ARSG: variants seen among roughly 807,000 people sequenced by gnomAD.
ARSG encodes ASG.
Under a neutral mutation model 50.5 loss-of-function variants are expected in ARSG, and 37 were observed. The ratio of observed to expected loss-of-function variants is 0.73; its 90% confidence interval spans 0.56 to 0.96. The LOEUF is 0.96. Among genes scored for constraint, ARSG ranks in the 50% least tolerant of loss-of-function variants. The probability of loss-of-function intolerance (pLI) is 0.00; values close to 1 mark genes in which losing one functional copy is unlikely to be tolerated. For missense variants in ARSG, 629 were observed against 675.3 expected, an observed-to-expected ratio of 0.93 and a Z score of 0.76; for synonymous variants, 225 against 254.6, an observed-to-expected ratio of 0.88 and a Z score of 1.11.
chr17:68,314,189 ACAATGATAGCACCTCTACCT>A (rs1555767738), intron 2 of ARSG, among the ~76,000 whole-genome samples: 3 of 152,036 alleles, frequency 2.0e-5, no homozygotes, highest in South Asian at 2.1e-4. Flanking sequence ...GTAAGTGGGG[ACAATGATAGCACCTCTACCT>A]CACAGGATGT....
the ARSG span, among the ~76,000 whole-genome samples, chr17:68,433,760 GTTTTTTTTTTTTTTTTTTTT>G: frequency 8.2e-5 from 6 of 72,814 alleles, no homozygotes; most frequent in Admixed American, 1.8e-4. Flanking sequence ...AAGGGTCATA[GTTTTTTTTTTTTTTTTTTTT>G]TTTTTTTTTT....
Position 68,420,743 on chromosome 17 carries a change from A to T in ARSG, c.*280A>T. 1 of 458,410 alleles carries T rather than the reference A, an allele frequency of 2.2e-6. No individual in the cohort carries two copies. Among genetic ancestry groups the T allele is most frequent in the Non-Finnish European group, 3.9e-6 (1 of 257,384 alleles). The allele number at this position is 458,410 out of a possible 1,614,324, so 28.4% of individuals were successfully genotyped here. A position where few individuals can be genotyped will look rare whatever the true frequency, so the allele number is the denominator to read the frequency against. ...CAGCTCCAGCTTTTGAACTTGGGCA[A>T]TTGTTTAACCTAACCTGCAAGTTGA... On this transcript the variant is annotated 3_prime_UTR_variant, in exon 12 of 12. Coordinates refer to ENST00000621439, the MANE Select transcript of ARSG (RefSeq NM_001267727.2).
At chr17:68,389,060 G>A (rs9904457) in intron 9 of ARSG, among the ~76,000 whole-genome samples, 2 of 152,052 alleles carry the variant, frequency 1.3e-5, no homozygotes, top group African/African-American at 4.8e-5. Context: ...TGGCCTGTCC[G>A]AAGGCACCGG....
At chr17:68,312,789 G>A (rs117977010) in intron 2 of ARSG, among the ~76,000 whole-genome samples, 3,225 of 152,196 alleles carry the variant, frequency 0.021, 40 homozygotes, top group Middle Eastern at 0.048. Flanking sequence ...GCCTACTCAC[G>A]GCCAGTGGGG....
chr17:68,270,407 A>G (rs1410666943), intron 1 of ARSG, among the ~76,000 whole-genome samples: 1 of 152,124 alleles, frequency 6.6e-6, no homozygotes, highest in Non-Finnish European at 1.5e-5. Context: ...TACAAAAATT[A>G]GCCAGGCGTG....
rs894461738 is a variant in ARSG at position 68,367,274 on chromosome 17, C to T, written c.705-1274C>T. Among the ~76,000 whole-genome samples the T allele has an allele frequency of 6.6e-5, 10 of 152,160 alleles. No individual in the cohort carries two copies. Among genetic ancestry groups the T allele is most frequent in the Non-Finnish European group, 1.2e-4 (8 of 68,014 alleles). On this transcript the variant is annotated intron_variant, in intron 6 of 11. Coordinates refer to ENST00000621439, the MANE Select transcript of ARSG (RefSeq NM_001267727.2). The surrounding 1 kb of genome is among the most constrained non-coding windows in gnomAD (Gnocchi z 4.5). ...AACTGAGTGCAAGCACAGTCCCAGGCGGCAGACCCTGGGAGCCAGGGTGCA... is the reference window on the plus strand; with the variant it reads ...AACTGAGTGCAAGCACAGTCCCAGGTGGCAGACCCTGGGAGCCAGGGTGCA...
the ARSG span, among the ~76,000 whole-genome samples, chr17:68,447,660 G>T: frequency 8.5e-5 from 13 of 152,086 alleles, no homozygotes; most frequent in Non-Finnish European, 1.2e-4. Context: ...TGAAGTGCTG[G>T]GACCACACTT....
chr17:68,364,618 C>T (rs2146633298), intron 6 of ARSG, among the ~76,000 whole-genome samples: 1 of 152,286 alleles, frequency 6.6e-6, no homozygotes, highest in African/African-American at 2.4e-5. Flanking sequence ...CCTCGGCCTT[C>T]CAAAAGTTCT....
chr17:68,316,732 C>G (rs1435941411), intron 2 of ARSG, among the ~76,000 whole-genome samples: 6 of 152,194 alleles, frequency 3.9e-5, no homozygotes, highest in Admixed American at 2.6e-4. Context: ...AAAAGGGTCC[C>G]TGGCATGTAT....
At chr17:68,272,149 G>T (rs2075362616) in intron 1 of ARSG, among the ~76,000 whole-genome samples, 1 of 152,124 alleles carries the variant, frequency 6.6e-6, no homozygotes, top group Non-Finnish European at 1.5e-5. Flanking sequence ...TGTTGGCCAG[G>T]CTGGTCTCGA....
At chr17:68,440,176 A>T in the ARSG span, among the ~76,000 whole-genome samples, 1 of 152,196 alleles carries the variant, frequency 6.6e-6, no homozygotes, top group Non-Finnish European at 1.5e-5. Flanking sequence ...CTACCAATCC[A>T]TCTGAATTTA....
the ARSG span, among the ~76,000 whole-genome samples, chr17:68,437,948 T>TAAAAAAAAAAAAAAAAAA: frequency 3.8e-5 from 3 of 78,802 alleles, no homozygotes; most frequent in African/African-American, 1.4e-4. Flanking sequence ...ACATCTCTCT[T>TAAAAAAAAAAAAAAAAAA]AAAAAAAAAA....
At chr17:68,356,842 C>T in intron 6 of ARSG, 38 bp downstream of exon 6, 1 of 1,612,916 alleles carries the variant, frequency 6.2e-7, no homozygotes, top group Non-Finnish European at 8.5e-7. Context: ...CCTCCCCCTG[C>T]CTCCACCTAC....
At chr17:68,346,550 A>G (rs1185851697) in intron 3 of ARSG, among the ~76,000 whole-genome samples, 1 of 152,008 alleles carries the variant, frequency 6.6e-6, no homozygotes, top group East Asian at 1.9e-4. Flanking sequence ...AGCTCTTGCC[A>G]CACATTGCCC....
intron 1 of ARSG, among the ~76,000 whole-genome samples, chr17:68,281,783 C>T (rs545693930): frequency 2.9e-4 from 44 of 151,944 alleles, no homozygotes; most frequent in East Asian, 9.7e-4. Context: ...GGCAAGGATG[C>T]GGAGAAAAGA....
chr17:68,370,294 G>A (rs1036271339), intron 7 of ARSG, 150 bp from the exon 8 acceptor site: 21 of 590,884 alleles, frequency 3.6e-5, no homozygotes, highest in East Asian at 6.4e-5. Context: ...GATTACAAGC[G>A]TGAGCCACTG....
intron 8 of ARSG, among the ~76,000 whole-genome samples, chr17:68,383,533 C>G (rs1300974597): frequency 6.6e-6 from 1 of 152,266 alleles, no homozygotes; most frequent in African/African-American, 2.4e-5. Context: ...TTTTCACCCA[C>G]CCATACCCCA....
At chr17:68,357,086 CCTT>C (rs1472968989) in intron 6 of ARSG, among the ~76,000 whole-genome samples, 1 of 152,180 alleles carries the variant, frequency 6.6e-6, no homozygotes, top group Non-Finnish European at 1.5e-5. Flanking sequence ...TTTGTCCTCT[CCTT>C]CTAGGGTACG....
chr17:68,300,201 C>T (rs565669645), intron 1 of ARSG, among the ~76,000 whole-genome samples: 2 of 152,188 alleles, frequency 1.3e-5, no homozygotes, highest in Admixed American at 6.5e-5. Flanking sequence ...CTGCCTCAGC[C>T]TCCCAAAGCG....
Sources: gnomAD v4.1 joint callset for allele counts (sites outside exome capture counted in the v4.1 genomes callset) on GRCh38, gnomAD v4.1.1 for gene constraint, Gnocchi (gnomAD v3.1) non-coding constraint, MANE v1.5 for transcripts, NCBI Gene and HGNC (gene_info 2026-07-23, HGNC 2026-07-21) for gene names.